TAFA4: variants seen among roughly 807,000 people sequenced by gnomAD.
TAFA4 encodes chemokine-like protein TAFA-4.
A neutral mutation model predicts 21.1 loss-of-function variants in TAFA4; 20 were observed. The ratio of observed to expected loss-of-function variants is 0.95; its 90% confidence interval spans 0.67 to 1.38. TAFA4 has a LOEUF of 1.38. Ranked by LOEUF, TAFA4 falls within the 40% of genes most tolerant of loss-of-function variation. The probability of loss-of-function intolerance (pLI) is 0.00; values close to 1 mark genes in which losing one functional copy is unlikely to be tolerated. For synonymous variants in TAFA4, 71 were observed against 67.4 expected (o/e 1.05, Z -0.26); for missense variants, 211 against 180.9 (o/e 1.17, Z -0.95).
In TAFA4 at chr3:68,932,237, T is replaced by TA. The variant is rs1293878824; in HGVS notation, c.-123+2dup. ...CCTCCTTATCCCTTCCAACCCTTCT[T>TA]ACTCGACTAGAGCCGGCATCCAAGT... On this transcript the variant is annotated splice_region_variant and intron_variant, in intron 1 of 5. Transcript: ENST00000295569. 1 of 151,946 alleles carries TA rather than the reference T, an allele frequency of 6.6e-6. No homozygotes were observed. 9.4% of individuals were successfully genotyped at this position (151,946 alleles called of 1,614,324 possible). A position where few individuals can be genotyped will look rare whatever the true frequency, so the allele number is the denominator to read the frequency against.
intron 1 of TAFA4, among the ~76,000 whole-genome samples, chr3:68,912,471 T>C (rs1437428142): frequency 6.6e-6 from 1 of 152,198 alleles, no homozygotes; most frequent in African/African-American, 2.4e-5. Context: ...AGCCACACTA[T>C]ATTGGGTTTT....
At chr3:68,759,757 A>C (rs950162835) in intron 3 of TAFA4, among the ~76,000 whole-genome samples, 3 of 152,192 alleles carry the variant, frequency 2.0e-5, no homozygotes, top group African/African-American at 2.4e-5. Context: ...AGACTGCGTT[A>C]TCCAGAAATG....
At chr3:68,733,546 G>A (rs916631002) in intron 5 of TAFA4, among the ~76,000 whole-genome samples, 4 of 152,068 alleles carry the variant, frequency 2.6e-5, no homozygotes, top group Non-Finnish European at 4.4e-5. Context: ...CCTTTTTTAT[G>A]TTATTTTTTA....
At chr3:68,747,688 G>A (rs1303071163) in intron 4 of TAFA4, among the ~76,000 whole-genome samples, 1 of 152,132 alleles carries the variant, frequency 6.6e-6, no homozygotes, top group Non-Finnish European at 1.5e-5. Flanking sequence ...AGCTCACCAT[G>A]AAACCTATGC....
chr3:68,862,991 T>C (rs559582391), intron 3 of TAFA4, among the ~76,000 whole-genome samples: 1 of 148,110 alleles, frequency 6.8e-6, no homozygotes, highest in East Asian at 2.0e-4. Flanking sequence ...CCCAGCACTG[T>C]GGGAGTCCAA....
chr3:68,883,787 G>A lies in TAFA4; in HGVS notation c.14+1388C>T, dbSNP rs1469603563. Among the ~76,000 whole-genome samples, 30 of 151,978 alleles carry A rather than the reference G, an allele frequency of 2.0e-4. 1 individual carries two copies. Among genetic ancestry groups the A allele is most frequent in the Admixed American group, 2.0e-3 (30 of 15,254 alleles). ...TGTTTATACTATTGAAAATGATCTG[G>A]CCATGCATGGTGGCTCATGCCTGTA... On this transcript the variant is annotated intron_variant, in intron 2 of 5. Coordinates refer to ENST00000295569, the MANE Select transcript of TAFA4 (RefSeq NM_182522.5).
intron 4 of TAFA4, among the ~76,000 whole-genome samples, chr3:68,742,652 A>T (rs535361585): frequency 6.6e-6 from 1 of 152,214 alleles, no homozygotes. Flanking sequence ...CCCCTCACCT[A>T]TCTCAAATTA....
chr3:68,811,984 A>G (rs995357113), intron 3 of TAFA4, among the ~76,000 whole-genome samples: 1 of 152,188 alleles, frequency 6.6e-6, no homozygotes, highest in Non-Finnish European at 1.5e-5. Flanking sequence ...TCTCAGCAGA[A>G]ACTCTACAAG....
intron 3 of TAFA4, among the ~76,000 whole-genome samples, chr3:68,845,282 T>A (rs537202806): frequency 2.3e-3 from 356 of 152,326 alleles, no homozygotes; most frequent in Admixed American, 4.5e-3. Context: ...GTGTTTTTTT[T>A]AATCTTTGTT....
intron 3 of TAFA4, among the ~76,000 whole-genome samples, chr3:68,770,736 T>G (rs1273531508): frequency 6.6e-6 from 1 of 152,156 alleles, no homozygotes; most frequent in East Asian, 1.9e-4. Context: ...TATTTTTTTG[T>G]GCAACCCATC....
chr3:68,732,240 A>G lies in TAFA4; in HGVS notation c.*902T>C, dbSNP rs1702161506. On this transcript the variant is annotated 3_prime_UTR_variant, in exon 6 of 6. Coordinates refer to ENST00000295569, the MANE Select transcript of TAFA4 (RefSeq NM_182522.5). ...TTAAGAAGAACTCATTTACAGTCTA[A>G]AAATTCAGCACTGAAAGACTCCTGT... is the stretch of plus-strand genomic sequence containing the variant. 1 of 152,572 alleles carries G rather than the reference A, an allele frequency of 6.6e-6. No individual in the cohort carries two copies. The allele number at this position is 152,572 out of a possible 1,614,324, so 9.5% of individuals were successfully genotyped here. A position where few individuals can be genotyped will look rare whatever the true frequency, so the allele number is the denominator to read the frequency against.
At chr3:68,755,230 C>A (rs1702639173) in intron 3 of TAFA4, among the ~76,000 whole-genome samples, 2 of 152,184 alleles carry the variant, frequency 1.3e-5, no homozygotes, top group African/African-American at 4.8e-5. Context: ...CTGTATTGCA[C>A]ATGTACTTAA....
intron 2 of TAFA4, 104 bp downstream of exon 2, chr3:68,885,071 G>C: frequency 1.9e-6 from 2 of 1,048,432 alleles, no homozygotes; most frequent in Non-Finnish European, 2.8e-6. Flanking sequence ...AAGTGTAAAA[G>C]CAGGCTTCTA....
At chr3:68,932,077 C>T (rs1330919076) in intron 1 of TAFA4, among the ~76,000 whole-genome samples, 163 bp downstream of exon 1, 1 of 152,164 alleles carries the variant, frequency 6.6e-6, no homozygotes, top group Non-Finnish European at 1.5e-5. Context: ...GCACTCTCCC[C>T]GGCGCCCCAG....
Position 68,732,734 on chromosome 3 carries a change from A to C in TAFA4, c.*408T>G, listed in dbSNP as rs2106716044. The C allele has an allele frequency of 5.9e-6, 1 of 170,498 alleles. No homozygotes were observed. Among genetic ancestry groups the C allele is most frequent in the East Asian group, 1.6e-4 (1 of 6,324 alleles). The allele number at this position is 170,498 out of a possible 1,614,324, so 10.6% of individuals were successfully genotyped here. Reference sequence around the variant, plus strand: ...ACCCCTTTAAAACCACTTTAATACAAGGACAAAAGGAAAAGTTCAAAAGAG... The same window carrying C: ...ACCCCTTTAAAACCACTTTAATACACGGACAAAAGGAAAAGTTCAAAAGAG... On this transcript the variant is annotated 3_prime_UTR_variant, in exon 6 of 6. Transcript: ENST00000295569.
chr3:68,781,934 T>C (rs910920848), intron 3 of TAFA4, among the ~76,000 whole-genome samples: 1 of 152,210 alleles, frequency 6.6e-6, no homozygotes, highest in African/African-American at 2.4e-5. Flanking sequence ...TTCATGACTT[T>C]CGATTTAGCA....
chr3:68,877,179 G>A (rs900684511), intron 3 of TAFA4, among the ~76,000 whole-genome samples: 1 of 151,856 alleles, frequency 6.6e-6, no homozygotes, highest in Non-Finnish European at 1.5e-5. Flanking sequence ...GATAACATGG[G>A]GAAAGCCCAC....
intron 1 of TAFA4, among the ~76,000 whole-genome samples, chr3:68,900,857 T>C (rs779731503): frequency 4.6e-5 from 7 of 152,340 alleles, no homozygotes; most frequent in Non-Finnish European, 8.8e-5. Flanking sequence ...TAACCAAAGA[T>C]ACTTTCCTAG....
At chr3:68,772,264 G>T (rs11128091) in intron 3 of TAFA4, among the ~76,000 whole-genome samples, 4 of 152,024 alleles carry the variant, frequency 2.6e-5, no homozygotes, top group Non-Finnish European at 4.4e-5. Context: ...CATGTGTGAC[G>T]GTTAATTTCA....
Sources: gnomAD v4.1 joint callset for allele counts (sites outside exome capture counted in the v4.1 genomes callset) on GRCh38, gnomAD v4.1.1 for gene constraint, MANE v1.5 for transcripts, NCBI Gene and HGNC (gene_info 2026-07-23, HGNC 2026-07-21) for gene names.